Variants in IFT88 observed in about 807,000 individuals in gnomAD.
The protein encoded by IFT88 is intraflagellar transport 88.
IFT88 carries 74 observed loss-of-function variants against 119.5 expected under a neutral mutation model. That is an observed-to-expected ratio of 0.62 (90% CI 0.51 to 0.75). The LOEUF is 0.75. Among genes scored for constraint, IFT88 ranks in the 30% least tolerant of loss-of-function variants. IFT88 has a pLI of 0.00. For missense variants in IFT88, 961 were observed against 977.7 expected, an observed-to-expected ratio of 0.98 and a Z score of 0.23; for synonymous variants, 279 against 316.7, an observed-to-expected ratio of 0.88 and a Z score of 1.26.
At chr13:20,628,691 A>G (rs1170415885) in intron 15 of IFT88, among the ~76,000 whole-genome samples, 1 of 152,238 alleles carries the variant, frequency 6.6e-6, no homozygotes, top group East Asian at 1.9e-4. Context: ...CCTTTTTAGA[A>G]TAGATCATAG....
At chr13:20,631,344 T>TCATAGATTATGCAA (rs1252403982) in intron 16 of IFT88, 13 of 429,836 alleles carry the variant, frequency 3.0e-5, no homozygotes, top group Non-Finnish European at 5.1e-5. Flanking sequence ...AAGCATCGCA[T>TCATAGATTATGCAA]CATAGATTAT....
chr13:20,612,361 C>T (rs918102224), intron 13 of IFT88: 1 of 152,070 alleles, frequency 6.6e-6, no homozygotes, highest in African/African-American at 2.4e-5. Flanking sequence ...AAGAAATACA[C>T]TATACACTAC....
At chr13:20,652,628 A>AT (rs991143911) in intron 20 of IFT88, among the ~76,000 whole-genome samples, 4 of 152,094 alleles carry the variant, frequency 2.6e-5, no homozygotes, top group African/African-American at 9.7e-5. Context: ...AAAAAAAAAA[A>AT]GTTACATACT....
intron 20 of IFT88, among the ~76,000 whole-genome samples, chr13:20,646,259 A>G (rs893102768): frequency 1.3e-5 from 2 of 148,972 alleles, no homozygotes; most frequent in Non-Finnish European, 1.5e-5. Flanking sequence ...GACTCATCTG[A>G]TTGTGATTAT....
intron 13 of IFT88, among the ~76,000 whole-genome samples, chr13:20,611,381 TAGTC>T (rs1197661426): frequency 1.3e-5 from 2 of 150,804 alleles, no homozygotes; most frequent in African/African-American, 2.4e-5. Flanking sequence ...ATACAAAAAT[TAGTC>T]AGACATGGTG....
intron 7 of IFT88, among the ~76,000 whole-genome samples, chr13:20,595,871 C>CT (rs771141085): frequency 4.6e-5 from 7 of 151,872 alleles, no homozygotes; most frequent in Non-Finnish European, 8.8e-5. Context: ...TGAGGAGACT[C>CT]TGTCACTACA....
At chr13:20,575,319 T>C (rs2037170001) in intron 2 of IFT88, among the ~76,000 whole-genome samples, 1 of 152,224 alleles carries the variant, frequency 6.6e-6, no homozygotes, top group African/African-American at 2.4e-5. Flanking sequence ...TAGTTTTCCA[T>C]TGTATATATG....
At chr13:20,654,611 T>C (rs1018398258) in intron 21 of IFT88, among the ~76,000 whole-genome samples, 1 of 152,124 alleles carries the variant, frequency 6.6e-6, no homozygotes, top group African/African-American at 2.4e-5. Flanking sequence ...GTTTTGAAAG[T>C]GTTGGCAGTT....
Position 20,641,283 on chromosome 13 carries a change from T to C in IFT88, c.1574-7T>C. ...ATAGATTTTCTTTTTTTTCTTCTTT[T>C]TTTAAGGCCTTACCTATGAGAAACT... On this transcript the variant is annotated splice_region_variant and splice_polypyrimidine_tract_variant and intron_variant, in intron 17 of 25. Coordinates refer to ENST00000351808, the MANE Select transcript of IFT88 (RefSeq NM_006531.5). 5 of 1,554,254 alleles carry C rather than the reference T, an allele frequency of 3.2e-6. No individual in the cohort carries two copies. The highest frequency in any genetic ancestry group is 4.4e-6 in the Non-Finnish European group (5 of 1,137,890).
intron 22 of IFT88, among the ~76,000 whole-genome samples, chr13:20,662,053 T>G (rs562420580): frequency 6.6e-6 from 1 of 152,312 alleles, no homozygotes; most frequent in East Asian, 1.9e-4. Flanking sequence ...TGGTGGATGA[T>G]GTCGGGAGAT....
intron 16 of IFT88, among the ~76,000 whole-genome samples, chr13:20,637,493 A>T (rs973390948): frequency 6.6e-6 from 1 of 152,162 alleles, no homozygotes; most frequent in Non-Finnish European, 1.5e-5. Context: ...GAGGGCCTTC[A>T]TGGGGAGTTC....
At chr13:20,618,755 A>G (rs140922036) in intron 14 of IFT88, among the ~76,000 whole-genome samples, 20 of 152,302 alleles carry the variant, frequency 1.3e-4, no homozygotes, top group African/African-American at 4.3e-4. Context: ...AACAGAAGAG[A>G]AAACTTAGTT....
chr13:20,667,024 T>C (rs1426872410), intron 23 of IFT88, among the ~76,000 whole-genome samples: 1 of 152,218 alleles, frequency 6.6e-6, no homozygotes, highest in African/African-American at 2.4e-5. Context: ...CATGGACCAC[T>C]TCCCATGTCA....
intron 1 of IFT88, among the ~76,000 whole-genome samples, chr13:20,570,692 C>G (rs1028425182): frequency 7.6e-6 from 1 of 130,842 alleles, no homozygotes; most frequent in Non-Finnish European, 1.7e-5. Flanking sequence ...TTGCCAGGGA[C>G]TGGGGAAAGG....
intron 14 of IFT88, among the ~76,000 whole-genome samples, chr13:20,617,183 G>T (rs1388072944): frequency 6.6e-6 from 1 of 152,028 alleles, no homozygotes; most frequent in East Asian, 1.9e-4. Flanking sequence ...ATATGATACA[G>T]TTGCAAGAAT....
At chr13:20,611,942 A>C (rs2044627218) in intron 13 of IFT88, among the ~76,000 whole-genome samples, 2 of 151,800 alleles carry the variant, frequency 1.3e-5, no homozygotes, top group African/African-American at 2.4e-5. Flanking sequence ...GAACTGGAAG[A>C]TTCTATCTTT....
intron 14 of IFT88, among the ~76,000 whole-genome samples, chr13:20,617,295 G>T (rs1445988367): frequency 6.6e-6 from 1 of 152,008 alleles, no homozygotes; most frequent in Non-Finnish European, 1.5e-5. Flanking sequence ...GGGTGGGGTG[G>T]GTAAGGGATT....
At chr13:20,607,389 T>G (rs2043672702) in intron 13 of IFT88, 2 of 605,598 alleles carry the variant, frequency 3.3e-6, no homozygotes, top group Non-Finnish European at 6.4e-6. Context: ...ACCATGCCCA[T>G]TTGGGTGGTC....
chr13:20,595,834 G>T (rs1188173023), intron 7 of IFT88, among the ~76,000 whole-genome samples: 1 of 151,990 alleles, frequency 6.6e-6, no homozygotes, highest in Non-Finnish European at 1.5e-5. Flanking sequence ...GAGGCCTGGA[G>T]TTTAAGACCA....
Sources: allele counts gnomAD v4.1 joint callset (sites outside exome capture counted in the v4.1 genomes callset), GRCh38; gene constraint gnomAD v4.1.1; transcripts MANE v1.5; gene names NCBI Gene and HGNC (gene_info 2026-07-23, HGNC 2026-07-21).